The following DPP10 variants were observed in gnomAD, a reference collection of about 807,000 sequenced individuals.
DPP10 encodes the protein inactive dipeptidyl peptidase 10.
Under a neutral mutation model 120.9 loss-of-function variants are expected in DPP10, and 33 were observed. The observed-to-expected ratio is 0.27, with a 90% confidence interval of 0.21 to 0.37. The LOEUF is 0.37. Among genes scored for constraint, DPP10 ranks in the 10% least tolerant of loss-of-function variants. The probability of loss-of-function intolerance (pLI) is 1.00; values close to 1 mark genes in which losing one functional copy is unlikely to be tolerated. For synonymous variants in DPP10, 337 were observed against 326.1 expected, an observed-to-expected ratio of 1.03 and a Z score of -0.36; for missense variants, 816 against 942.8, an observed-to-expected ratio of 0.87 and a Z score of 1.76.
intron 1 of DPP10, among the ~76,000 whole-genome samples, chr2:114,471,545 T>G (rs17764091): frequency 0.13 from 19,816 of 152,210 alleles, 1,758 homozygotes; most frequent in South Asian, 0.29. Context: ...GCTAAAATAT[T>G]TTTTGAAGAT....
chr2:114,538,021 T>C lies in DPP10; in HGVS notation c.60+95183T>C, dbSNP rs573420890. Among the ~76,000 whole-genome samples, 106 of 152,368 alleles carry C rather than the reference T, an allele frequency of 7.0e-4. 1 individual carries two copies. The highest frequency in any genetic ancestry group is 3.5e-3 in the South Asian group (17 of 4,832). On this transcript the variant is annotated intron_variant, in intron 1 of 25. Transcript: ENST00000410059. Reference sequence around the variant, plus strand: ...AAATCCCTTAACACTAGTTCATTGATACCTTGACTATCTTAGCCAGGAGAA... The same window carrying C: ...AAATCCCTTAACACTAGTTCATTGACACCTTGACTATCTTAGCCAGGAGAA...
At chr2:115,725,689 G>A (rs1380807793) in intron 7 of DPP10, among the ~76,000 whole-genome samples, 7 of 152,058 alleles carry the variant, frequency 4.6e-5, no homozygotes, top group Admixed American at 2.0e-4. Flanking sequence ...CTTTGGGTGA[G>A]GTCACCTCCA....
intron 1 of DPP10, among the ~76,000 whole-genome samples, chr2:114,827,054 G>C (rs1226009803): frequency 6.6e-6 from 1 of 151,896 alleles, no homozygotes; most frequent in Admixed American, 6.6e-5. Flanking sequence ...GATTTTTCTA[G>C]GTTTTATGGC....
chr2:114,728,750 A>T (rs1452300835), intron 1 of DPP10, among the ~76,000 whole-genome samples: 1 of 152,214 alleles, frequency 6.6e-6, no homozygotes, highest in East Asian at 1.9e-4. Context: ...TTCCATCTGA[A>T]GGAAAATACA....
At chr2:115,409,258 A>C (rs76089579) in intron 3 of DPP10, among the ~76,000 whole-genome samples, 1 of 152,110 alleles carries the variant, frequency 6.6e-6, no homozygotes, top group African/African-American at 2.4e-5. Context: ...ACAAATTACC[A>C]AAACAAACTC....
intron 1 of DPP10, among the ~76,000 whole-genome samples, chr2:114,502,128 A>AT (rs142268952): frequency 0.048 from 7,195 of 151,354 alleles, 250 homozygotes; most frequent in African/African-American, 0.092. Context: ...TATTTATTTT[A>AT]TTTTTTTAGT....
chr2:114,738,205 T>C (rs1311751641), intron 1 of DPP10, among the ~76,000 whole-genome samples: 4 of 152,132 alleles, frequency 2.6e-5, no homozygotes, highest in African/African-American at 9.7e-5. Flanking sequence ...TTTCAACACA[T>C]GGGGATTACA....
At chr2:115,199,746 CATTGT>C (rs1349487378) in intron 1 of DPP10, among the ~76,000 whole-genome samples, 1 of 152,038 alleles carries the variant, frequency 6.6e-6, no homozygotes, top group Non-Finnish European at 1.5e-5. Flanking sequence ...AAAAGATAGG[CATTGT>C]ATTATGATTT....
At chr2:115,569,575 A>G (rs1285920368) in intron 5 of DPP10, among the ~76,000 whole-genome samples, 1 of 152,240 alleles carries the variant, frequency 6.6e-6, no homozygotes, top group African/African-American at 2.4e-5. Context: ...TATCTACGCA[A>G]TCAAGGGATA....
At chr2:114,885,078 G>T (rs542945459) in intron 1 of DPP10, among the ~76,000 whole-genome samples, 1 of 152,312 alleles carries the variant, frequency 6.6e-6, no homozygotes, top group South Asian at 2.1e-4. Context: ...TTCTCACACT[G>T]CTCCAAAGAA....
At chr2:114,973,010 G>C (rs1020083659) in intron 1 of DPP10, among the ~76,000 whole-genome samples, 1 of 151,990 alleles carries the variant, frequency 6.6e-6, no homozygotes, top group East Asian at 1.9e-4. Flanking sequence ...TTGTAATTTT[G>C]TTTATTTATT....
intron 1 of DPP10, among the ~76,000 whole-genome samples, chr2:115,117,235 C>A (rs1009563456): frequency 2.0e-5 from 3 of 152,040 alleles, no homozygotes; most frequent in African/African-American, 7.2e-5. Context: ...CAAGGTACAG[C>A]AAGTTAAATG....
intron 1 of DPP10, among the ~76,000 whole-genome samples, chr2:114,914,006 C>G (rs1469675296): frequency 1.3e-5 from 2 of 152,086 alleles, no homozygotes; most frequent in African/African-American, 2.4e-5. Flanking sequence ...TTCAAATCAA[C>G]TCAAACACAA....
chr2:115,406,333 C>T (rs1459362079), intron 3 of DPP10, among the ~76,000 whole-genome samples: 1 of 152,222 alleles, frequency 6.6e-6, no homozygotes, highest in Non-Finnish European at 1.5e-5. Context: ...GTCATGACAA[C>T]TGAACCAATC....
At chr2:115,081,284 G>T (rs1708252928) in intron 1 of DPP10, among the ~76,000 whole-genome samples, 1 of 152,052 alleles carries the variant, frequency 6.6e-6, no homozygotes, top group African/African-American at 2.4e-5. Flanking sequence ...TGTCATTCAT[G>T]GTTAGTAATC....
chr2:115,659,790 T>C (rs1250875240), intron 5 of DPP10, among the ~76,000 whole-genome samples: 1 of 152,190 alleles, frequency 6.6e-6, no homozygotes, highest in Non-Finnish European at 1.5e-5. Context: ...AATGATCAGT[T>C]TTCATTTGTC....
chr2:115,324,696 G>A (rs2062251671), intron 2 of DPP10, among the ~76,000 whole-genome samples: 1 of 152,166 alleles, frequency 6.6e-6, no homozygotes, highest in African/African-American at 2.4e-5. Flanking sequence ...CAATAGATTA[G>A]CACTTTTAAT....
intron 5 of DPP10, among the ~76,000 whole-genome samples, chr2:115,533,816 C>T (rs916408685): frequency 6.6e-6 from 1 of 152,048 alleles, no homozygotes; most frequent in Admixed American, 6.6e-5. Context: ...GAATACTCAC[C>T]TTTCCTCGTT....
rs573157252 is a variant in DPP10, at chr2:115,196,699, A to C, written c.61-112540A>C. Among the ~76,000 whole-genome samples the C allele has an allele frequency of 9.9e-4, 151 of 152,296 alleles. No individual in the cohort carries two copies. In the Middle Eastern group the frequency reaches 0.014, roughly 14 times the overall value. On this transcript the variant is annotated intron_variant, in intron 1 of 25. Coordinates refer to ENST00000410059, the MANE Select transcript of DPP10 (RefSeq NM_020868.6). ...TTACCACTGTAAGTGCAATGAGATAAGGCCTCTGACCATGTTCTTTTGGAG... is the reference window on the plus strand; with the variant it reads ...TTACCACTGTAAGTGCAATGAGATACGGCCTCTGACCATGTTCTTTTGGAG...
Sources: allele counts gnomAD v4.1 joint callset (sites outside exome capture counted in the v4.1 genomes callset), GRCh38; gene constraint gnomAD v4.1.1; transcripts MANE v1.5; gene names NCBI Gene and HGNC (gene_info 2026-07-23, HGNC 2026-07-21).